The following MKLN1 variants were observed in gnomAD, a reference collection of about 807,000 sequenced individuals.
The protein encoded by MKLN1 is muskelin 1, also known as muskelin.
Under a neutral mutation model 99.0 loss-of-function variants are expected in MKLN1, and 18 were observed. The ratio of observed to expected loss-of-function variants is 0.18; its 90% CI spans 0.13 to 0.27. MKLN1 has a LOEUF of 0.27. MKLN1 is among the 10% of genes least tolerant of loss of function. MKLN1 has a pLI of 1.00. For synonymous variants in MKLN1, 288 were observed against 293.2 expected (o/e 0.98, Z 0.18); for missense variants, 621 against 875.9 (o/e 0.71, Z 3.67).
At chr7:131,150,786 A>G (rs542208796) in intron 2 of MKLN1, among the ~76,000 whole-genome samples, 1 of 152,144 alleles carries the variant, frequency 6.6e-6, no homozygotes, top group South Asian at 2.1e-4. Flanking sequence ...AAGTGCTTCC[A>G]TGATAATCTG....
intron 2 of MKLN1, among the ~76,000 whole-genome samples, chr7:131,191,831 A>G (rs1479968725): frequency 6.7e-6 from 1 of 148,978 alleles, no homozygotes. Flanking sequence ...CTCATGCCTC[A>G]GCCTCTCAAG....
At chr7:131,234,413 T>A (rs1322262052) in intron 3 of MKLN1, among the ~76,000 whole-genome samples, 2 of 152,156 alleles carry the variant, frequency 1.3e-5, no homozygotes, top group Non-Finnish European at 1.5e-5. Context: ...TATGCCAGTT[T>A]CCCTGCTTCC....
chr7:131,465,518 G>C (rs1387332081), intron 14 of MKLN1, among the ~76,000 whole-genome samples: 1 of 152,056 alleles, frequency 6.6e-6, no homozygotes, highest in Non-Finnish European at 1.5e-5. Context: ...TGGCATTTCA[G>C]TTAAAGCAAA....
intron 3 of MKLN1, among the ~76,000 whole-genome samples, chr7:131,300,258 G>A (rs1373626611): frequency 6.6e-6 from 1 of 152,012 alleles, no homozygotes; most frequent in African/African-American, 2.4e-5. Context: ...TGACAATGAC[G>A]AGGTTGGAGA....
chr7:131,485,788 C>G (rs1160368893), intron 17 of MKLN1, among the ~76,000 whole-genome samples: 6 of 151,990 alleles, frequency 3.9e-5, no homozygotes, highest in Admixed American at 1.3e-4. Flanking sequence ...CAAAAATATT[C>G]ATTAAAGTCA....
intron 8 of MKLN1, among the ~76,000 whole-genome samples, chr7:131,424,301 C>T (rs1411813941): frequency 1.3e-5 from 2 of 151,914 alleles, no homozygotes; most frequent in East Asian, 3.9e-4. Flanking sequence ...TCCCCTGCCT[C>T]TTCTTTTTGA....
intron 3 of MKLN1, among the ~76,000 whole-genome samples, chr7:131,210,080 G>T (rs963393135): frequency 1.3e-5 from 2 of 152,156 alleles, no homozygotes; most frequent in Non-Finnish European, 2.9e-5. Flanking sequence ...ATATAAGAAG[G>T]TTAAGGGAAA....
At chr7:131,311,280 G>A (rs563085834) in intron 3 of MKLN1, 10 of 152,188 alleles carry the variant, frequency 6.6e-5, no homozygotes, top group African/African-American at 2.2e-4. Flanking sequence ...TATGAGAAGA[G>A]AAATAAAACT....
intron 3 of MKLN1, among the ~76,000 whole-genome samples, chr7:131,248,440 T>C (rs1425401570): frequency 6.6e-6 from 1 of 152,150 alleles, no homozygotes; most frequent in Non-Finnish European, 1.5e-5. Context: ...TGAGCATAGA[T>C]GCAACAACAA....
At chr7:131,353,946 G>T (rs1799798672) in intron 1 of MKLN1, among the ~76,000 whole-genome samples, 1 of 149,588 alleles carries the variant, frequency 6.7e-6, no homozygotes, top group African/African-American at 2.5e-5. Context: ...TATATGTGTG[G>T]GTCTTTTGGG....
intron 17 of MKLN1, among the ~76,000 whole-genome samples, chr7:131,481,664 G>C (rs1004259838): frequency 4.6e-5 from 7 of 151,988 alleles, no homozygotes; most frequent in African/African-American, 1.7e-4. Context: ...CTTTTCATAA[G>C]GTTTCATGCC....
chr7:131,118,287 C>T (rs1388395449), intron 1 of MKLN1, among the ~76,000 whole-genome samples: 1 of 152,152 alleles, frequency 6.6e-6, no homozygotes, highest in African/African-American at 2.4e-5. Flanking sequence ...GGTGCAGTGG[C>T]TCATGCCTGT....
At chr7:131,338,013 G>T (rs1799300623) in intron 1 of MKLN1, among the ~76,000 whole-genome samples, 1 of 152,160 alleles carries the variant, frequency 6.6e-6, no homozygotes, top group South Asian at 2.1e-4. Flanking sequence ...TGGGTTTTCA[G>T]CCTTATAAAC....
chr7:131,328,326 G>T, intron 1 of MKLN1: 1 of 292,364 alleles, frequency 3.4e-6, no homozygotes, highest in South Asian at 5.3e-5. Context: ...CGGCTCTGGG[G>T]CAGGAATCGG....
At chr7:131,154,534 G>A (rs970942908) in intron 2 of MKLN1, among the ~76,000 whole-genome samples, 1 of 152,090 alleles carries the variant, frequency 6.6e-6, no homozygotes, top group Non-Finnish European at 1.5e-5. Flanking sequence ...AATTTAGGGT[G>A]TCTATGTACA....
chr7:131,447,141 A>C (rs1796039715), intron 12 of MKLN1, among the ~76,000 whole-genome samples: 1 of 152,232 alleles, frequency 6.6e-6, no homozygotes, highest in South Asian at 2.1e-4. Flanking sequence ...TTAACCAAAA[A>C]TTGGGATGAA....
At chr7:131,413,097 CAG>C (rs575029183) in intron 7 of MKLN1, among the ~76,000 whole-genome samples, 215 of 152,200 alleles carry the variant, frequency 1.4e-3, no homozygotes, top group Middle Eastern at 6.8e-3. Flanking sequence ...TCAGACCTCT[CAG>C]GGGTGAATAT....
chr7:131,337,971 T>C (rs6976640), intron 1 of MKLN1, among the ~76,000 whole-genome samples: 2,427 of 152,284 alleles, frequency 0.016, 46 homozygotes, highest in African/African-American at 0.053. Context: ...TAGAGATCAC[T>C]GCAACTGTCA....
chr7:131,221,771 T>G (rs1406364029), intron 3 of MKLN1, among the ~76,000 whole-genome samples: 2 of 151,750 alleles, frequency 1.3e-5, no homozygotes, highest in African/African-American at 4.8e-5. Flanking sequence ...TCCACCCACC[T>G]TAGCCTCCCG....
Sources: gnomAD v4.1 joint callset for allele counts (sites outside exome capture counted in the v4.1 genomes callset) on GRCh38, gnomAD v4.1.1 for gene constraint, MANE v1.5 for transcripts, NCBI Gene and HGNC (gene_info 2026-07-23, HGNC 2026-07-21) for gene names.